The following MED12L variants were observed in gnomAD, a reference collection of about 807,000 sequenced individuals.
MED12L encodes the protein mediator complex subunit 12L, also known as mediator of RNA polymerase II transcription subunit 12-like protein.
A neutral mutation model predicts 281.3 loss-of-function variants in MED12L; 60 were observed. The ratio of observed to expected loss-of-function variants is 0.21; its 90% CI spans 0.17 to 0.26. MED12L has a LOEUF of 0.26. Ranked by LOEUF, MED12L falls within the 10% of genes least tolerant of loss-of-function variation. The pLI is 1.00. For synonymous variants in MED12L, 974 were observed against 987.2 expected (o/e 0.99, Z 0.25); for missense variants, 2,146 against 2,680.9 (o/e 0.80, Z 4.41).
chr3:151,329,487 G>A, intron 16 of MED12L: 3 of 1,544,026 alleles, frequency 1.9e-6, no homozygotes, highest in South Asian at 2.4e-5. Context: ...TCACCTTTGG[G>A]AGGATACTCA....
chr3:151,290,196 A>G (rs1744058806), intron 16 of MED12L, among the ~76,000 whole-genome samples: 1 of 152,214 alleles, frequency 6.6e-6, no homozygotes, highest in African/African-American at 2.4e-5. Flanking sequence ...GTACTCTAAC[A>G]TAATTCAAAG....
intron 16 of MED12L, among the ~76,000 whole-genome samples, chr3:151,206,534 A>T (rs1212030797): frequency 6.6e-6 from 1 of 151,482 alleles, no homozygotes; most frequent in Non-Finnish European, 1.5e-5. Context: ...ATAATAAAGA[A>T]CTTTTAAAGA....
intron 21 of MED12L, 36 bp from the exon 22 acceptor site, chr3:151,364,939 TTTTA>T: frequency 7.1e-7 from 1 of 1,403,116 alleles, no homozygotes; most frequent in Non-Finnish European, 1.0e-6. Context: ...GTTATTCTAG[TTTTA>T]TTTTTCTGTT....
At chr3:151,128,169 A>C (rs1443535977) in intron 5 of MED12L, among the ~76,000 whole-genome samples, 185 bp downstream of exon 5, 10 of 152,184 alleles carry the variant, frequency 6.6e-5, no homozygotes, top group Non-Finnish European at 2.9e-5. Context: ...TGACTCCATT[A>C]GCAAGGGCTG....
chr3:151,186,012 A>G (rs1723216886), intron 12 of MED12L, among the ~76,000 whole-genome samples: 1 of 152,142 alleles, frequency 6.6e-6, no homozygotes, highest in African/African-American at 2.4e-5. Flanking sequence ...ATTTACAACT[A>G]CATATTTTAG....
intron 16 of MED12L, among the ~76,000 whole-genome samples, chr3:151,237,045 CTTTTTT>C (rs56926535): frequency 1.6e-5 from 2 of 125,890 alleles, no homozygotes; most frequent in African/African-American, 6.0e-5. Flanking sequence ...TGATGCCAAA[CTTTTTT>C]TTTTTTTTTT....
rs1337333306 is a variant in MED12L, at chr3:151,390,091, C to G, written c.5564C>G (p.Pro1855Arg). 6.2e-7 allele frequency: 1 copy of G among 1,614,090 alleles called. No homozygotes were observed. The highest frequency in any genetic ancestry group is 1.7e-5 in the Admixed American group (1 of 60,020). The stretch of plus-strand genomic sequence containing the variant: ...TGGGGTTACAACCTCGTGGGCCAGC[C>G]CCAGCAGCCCGGCTTTTTCCTTCAG... Reference protein sequence around the residue: ...TLWGYNLVGQPQQPGFFLQNQ... With the variant: ...TLWGYNLVGQRQQPGFFLQNQ... Residue 1855 changes from proline (P) to arginine (R), a missense_variant, in exon 38 of 45, where the codon CCC (proline) becomes CGC (arginine). Transcript: ENST00000687756.
At chr3:151,198,422 G>C in intron 16 of MED12L, 1 of 1,581,176 alleles carries the variant, frequency 6.3e-7, no homozygotes, top group Middle Eastern at 1.7e-4. Flanking sequence ...AAAAAATCCT[G>C]TCTTTTATGC....
intron 16 of MED12L, among the ~76,000 whole-genome samples, chr3:151,309,135 ACACACG>A (rs1301594577): frequency 7.7e-5 from 10 of 129,460 alleles, no homozygotes; most frequent in Non-Finnish European, 1.6e-5. Flanking sequence ...ACACACACAC[ACACACG>A]CACACACACA....
chr3:151,157,509 A>G (rs758528197), intron 6 of MED12L, among the ~76,000 whole-genome samples: 7 of 152,120 alleles, frequency 4.6e-5, no homozygotes, highest in Non-Finnish European at 5.9e-5. Context: ...GGAAAATTCC[A>G]TTTTGTCTCT....
intron 5 of MED12L, among the ~76,000 whole-genome samples, chr3:151,131,788 G>T (rs1245970017): frequency 6.6e-6 from 1 of 152,104 alleles, no homozygotes; most frequent in East Asian, 1.9e-4. Flanking sequence ...GAACGTTATG[G>T]ACTTGTTGGA....
chr3:151,219,474 C>T (rs1182133858), intron 16 of MED12L: 1 of 152,142 alleles, frequency 6.6e-6, no homozygotes, highest in Non-Finnish European at 1.5e-5. Context: ...ATTTTTTCTT[C>T]ATAGCACTTC....
At chr3:151,390,599 T>C (rs1217199895) in intron 38 of MED12L, among the ~76,000 whole-genome samples, 1 of 152,238 alleles carries the variant, frequency 6.6e-6, no homozygotes, top group Non-Finnish European at 1.5e-5. Flanking sequence ...AGTATTGCTT[T>C]GGTTCAAGCC....
chr3:151,432,248 A>G (rs751349947), intron 44 of MED12L, among the ~76,000 whole-genome samples: 2 of 152,244 alleles, frequency 1.3e-5, no homozygotes, highest in Non-Finnish European at 2.9e-5. Flanking sequence ...GCATGTCTAC[A>G]TAGGCACACG....
At chr3:151,411,550 A>G (rs1298436756) in intron 41 of MED12L, 43 bp downstream of exon 41, 1 of 1,555,660 alleles carries the variant, frequency 6.4e-7, no homozygotes, top group African/African-American at 1.4e-5. Flanking sequence ...GAACAGTCAC[A>G]TTCTCGGGTT....
At chr3:151,368,889 GTAGCTGGGACTA>G (rs1755825173) in intron 25 of MED12L, among the ~76,000 whole-genome samples, 1 of 150,740 alleles carries the variant, frequency 6.6e-6, no homozygotes, top group Non-Finnish European at 1.5e-5. Context: ...AGCCTCTCAA[GTAGCTGGGACTA>G]TAGGCATGCA....
intron 18 of MED12L, 31 bp from the exon 19 acceptor site, chr3:151,355,864 GT>G (rs1560069278): frequency 1.3e-6 from 2 of 1,555,756 alleles, no homozygotes; most frequent in Non-Finnish European, 1.8e-6. Flanking sequence ...TAGAATATTG[GT>G]CTTACAATAT....
rs1177188290 is a variant in MED12L, at chr3:151,435,046, G to GTATC, written c.*2244_*2247dup. The GTATC allele has an allele frequency of 3.6e-5, 5 of 137,084 alleles. No individual in the cohort carries two copies. In the East Asian group the frequency reaches 1.0e-3, roughly 27 times the overall value. The allele number at this position is 137,084 out of a possible 1,614,324, so 8.5% of individuals were successfully genotyped here. On this transcript the variant is annotated 3_prime_UTR_variant, in exon 45 of 45. Transcript: ENST00000687756. ...TTCAGATTTTCTCCCTGTTAATTCT[G>GTATC]TATCTTGAGAGGTTTCTTTTTTTTT...
intron 16 of MED12L, chr3:151,213,183 TG>T: frequency 1.3e-6 from 1 of 753,582 alleles, no homozygotes; most frequent in Non-Finnish European, 2.1e-6. Flanking sequence ...TGAACTAAAT[TG>T]GATGGCAGTG....
Sources: gnomAD v4.1 joint callset for allele counts (sites outside exome capture counted in the v4.1 genomes callset) on GRCh38, gnomAD v4.1.1 for gene constraint, MANE v1.5 for transcripts, NCBI Gene and HGNC (gene_info 2026-07-23, HGNC 2026-07-21) for gene names.